Variants in SLC25A11 observed in about 807,000 individuals in gnomAD.
SLC25A11 encodes the protein solute carrier family 25 member 11.
A neutral mutation model predicts 32.7 loss-of-function variants in SLC25A11; 11 were observed. The ratio of observed to expected loss-of-function variants is 0.34; its 90% confidence interval spans 0.21 to 0.56. The LOEUF (loss-of-function observed/expected upper bound fraction) is 0.56, where lower values mean the gene tolerates loss of function less well. SLC25A11 is among the 20% of genes least tolerant of loss of function. The pLI is 0.90. For synonymous variants in SLC25A11, 163 were observed against 168.3 expected (o/e 0.97, Z 0.24); for missense variants, 295 against 426.3 (o/e 0.69, Z 2.71).
rs1970558686 is a variant in SLC25A11, at chr17:4,939,327, C to T, written c.96-115G>A. The stretch of plus-strand genomic sequence containing the variant: ...AGGGCCTGCCATGCGATTCAAGAAT[C>T]AGGATGCTGGTGAGCATGTGTATAA... On this transcript the variant is annotated intron_variant, in intron 1 of 7. Transcript: ENST00000225665. This position sits in a 1 kb window ranked among gnomAD's most constrained non-coding sequence, Gnocchi z 4.1. The T allele has an allele frequency of 8.4e-7, 1 of 1,188,726 alleles. No individual in the cohort carries two copies. The allele number at this position is 1,188,726 out of a possible 1,614,324, so 73.6% of individuals were successfully genotyped here.
chr17:4,939,862 G>A lies in SLC25A11; in HGVS notation c.49C>T (p.Arg17Cys). The change falls in exon 1 of 8, where the codon CGT (arginine) becomes TGT (cysteine). Residue 17 changes from arginine (R) to cysteine (C), a missense_variant. Physicochemically the swap from Arg to Cys is radical, Grantham distance 180. Transcript: ENST00000225665. This position sits in a 1 kb window ranked among gnomAD's most constrained non-coding sequence, Gnocchi z 4.1. Reference protein sequence around the residue: ...AGAGGIDGKPRTSPKSVKFLF... With the variant: ...AGAGGIDGKPCTSPKSVKFLF... The stretch of plus-strand genomic sequence containing the variant: ...AACTTGACGGACTTAGGGGAGGTAC[G>A]GGGCTTCCCGTCTATCCCGCCGGCC... 1 of 1,612,452 alleles carries A rather than the reference G, an allele frequency of 6.2e-7. No homozygotes were observed. Among genetic ancestry groups the A allele is most frequent in the Non-Finnish European group, 8.5e-7 (1 of 1,179,688 alleles).
In SLC25A11 at chr17:4,938,540, C is replaced by G; in HGVS notation, c.518G>C (p.Arg173Pro). The G allele has an allele frequency of 6.2e-7, 1 of 1,614,096 alleles. No homozygotes were observed. Among genetic ancestry groups the G allele is most frequent in the Non-Finnish European group, 8.5e-7 (1 of 1,179,976 alleles). ...NVFNALIRIT[R>P]EEGVLTLWRG... is the part of the protein sequence containing the mutation. ...CCACAGTGTGAGGACACCCTCTTCC[C>G]GGGTGATTCGAATCAGGGCGTTAAA... The change falls in exon 4 of 8, where the codon CGG becomes CCG. Residue 173 changes from arginine (R) to proline (P), a missense_variant. By Grantham distance (103) the Arg-to-Pro change is moderately radical (BLOSUM62 -2). Around this residue, in one of 3 missense-constraint regions of SLC25A11, gnomAD observed 142 missense variants for 197.8 expected, o/e 0.72. Transcript: ENST00000225665. The surrounding 1 kb of genome is among the most constrained non-coding windows in gnomAD (Gnocchi z 7.6).
At position 4,938,310 on chromosome 17, in the gene SLC25A11, G is replaced by A. The variant is rs1970481274; in HGVS notation, c.637+29C>T. The A allele has an allele frequency of 6.2e-7, 1 of 1,613,722 alleles. No individual in the cohort carries two copies. The highest frequency in any genetic ancestry group is 8.5e-7 in the Non-Finnish European group (1 of 1,179,798). On this transcript the variant is annotated intron_variant, in intron 5 of 7. Coordinates refer to ENST00000225665, the MANE Select transcript of SLC25A11 (RefSeq NM_003562.5). This position sits in a 1 kb window ranked among gnomAD's most constrained non-coding sequence, Gnocchi z 7.6. The stretch of plus-strand genomic sequence containing the variant: ...CTCAGAGGTGGCTCAGGCCAGGCTG[G>A]GAACTAAGGGCCCAGCTCTGGATCT...
Position 4,938,111 on chromosome 17 carries a change from G to A in SLC25A11, c.738-37C>T, listed in dbSNP as rs1386510736. On this transcript the variant is annotated intron_variant, in intron 6 of 7. Coordinates refer to ENST00000225665, the MANE Select transcript of SLC25A11 (RefSeq NM_003562.5). The surrounding 1 kb of genome is among the most constrained non-coding windows in gnomAD (Gnocchi z 7.6). ...GACGCAGGGGCATGAGAGACCGAAA[G>A]GGCACCCTCCCACCCACCTCCAGGC... The A allele has an allele frequency of 6.2e-7, 1 of 1,614,130 alleles. No homozygotes were observed. The highest frequency in any genetic ancestry group is 8.5e-7 in the Non-Finnish European group (1 of 1,180,002).
rs759860938 is a variant in SLC25A11 at position 4,939,785 on chromosome 17, C to T, written c.95+31G>A. 1 of 1,580,764 alleles carries T rather than the reference C, an allele frequency of 6.3e-7. No individual in the cohort carries two copies. The highest frequency in any genetic ancestry group is 1.7e-5 in the Admixed American group (1 of 59,412). On this transcript the variant is annotated intron_variant, in intron 1 of 7. Coordinates refer to ENST00000225665, the MANE Select transcript of SLC25A11 (RefSeq NM_003562.5). The surrounding 1 kb of genome is among the most constrained non-coding windows in gnomAD (Gnocchi z 4.1). ...GGTTCCTTTTGCCCTTCCCTTCCTC[C>T]TCTTTTCCCATCCCTGGGGCCTGAG...
chr17:4,938,775 T>C lies in SLC25A11; in HGVS notation c.449A>G (p.Asp150Gly). The change falls in exon 3 of 8, where the codon GAT (aspartate) becomes GGT (glycine). Residue 150 changes from aspartate (D) to glycine (G), a missense_variant. Coordinates refer to ENST00000225665, the MANE Select transcript of SLC25A11 (RefSeq NM_003562.5). This position sits in a 1 kb window ranked among gnomAD's most constrained non-coding sequence, Gnocchi z 7.6. ...AEVALIRMTADGRLPADQRRG... is the reference protein window; with the variant it reads ...AEVALIRMTAGGRLPADQRRG... ...GTTCAGACTTGGAACTCACCGGCCA[T>C]CGGCAGTCATGCGGATAAGAGCCAC... 6.2e-7 allele frequency: 1 copy of C among 1,609,272 alleles called. No individual in the cohort carries two copies.
At position 4,939,887 on chromosome 17, in the gene SLC25A11, C is replaced by G; in HGVS notation, c.24G>C (p.Gly8=). The G allele has an allele frequency of 6.2e-7, 1 of 1,611,286 alleles. No homozygotes were observed. The highest frequency in any genetic ancestry group is 1.3e-5 in the African/African-American group (1 of 74,796). ...GGGGCTTCCCGTCTATCCCGCCGGC[C>G]CCGGCACTCGCCGTCGCCGCCATCG... MAATASA[G]AGGIDGKPRT... Residue 8 remains glycine (G), a synonymous_variant, in exon 1 of 8, where the codon GGG becomes GGC. Transcript: ENST00000225665. This position sits in a 1 kb window ranked among gnomAD's most constrained non-coding sequence, Gnocchi z 4.1.
In SLC25A11 at chr17:4,938,358, C is replaced by G; in HGVS notation, c.618G>C (p.Lys206Asn). 1 of 1,614,102 alleles carries G rather than the reference C, an allele frequency of 6.2e-7. No homozygotes were observed. The highest frequency in any genetic ancestry group is 8.5e-7 in the Non-Finnish European group (1 of 1,180,018). The change falls in exon 5 of 8, where the codon AAG becomes AAC. Residue 206 changes from lysine (K) to asparagine (N), a missense_variant. Physicochemically the swap from Lys to Asn is moderately conservative, Grantham distance 94. Coordinates refer to ENST00000225665, the MANE Select transcript of SLC25A11 (RefSeq NM_003562.5). The surrounding 1 kb of genome is among the most constrained non-coding windows in gnomAD (Gnocchi z 7.6). ...AAQLASYSQS[K>N]QFLLDSGYFS... ...TCTCACCTGAGTCCAGTAAGAACTGCTTGGATTGGGAGTAGGAGGCGAGCT... is the reference window on the plus strand; with the variant it reads ...TCTCACCTGAGTCCAGTAAGAACTGGTTGGATTGGGAGTAGGAGGCGAGCT...
chr17:4,940,021 C>G lies in SLC25A11; in HGVS notation c.-111G>C. 4.4e-6 allele frequency: 3 copies of G among 684,656 alleles called. No individual in the cohort carries two copies. Among genetic ancestry groups the G allele is most frequent in the Non-Finnish European group, 6.7e-6 (3 of 449,830 alleles). The allele number at this position is 684,656 out of a possible 1,614,324, so 42.4% of individuals were successfully genotyped here. ...AGGGCGCGCGCACGCCCCTCCAGCTCTCAGGTCCGACACCCGCTGGAAGCC... is the reference window on the plus strand; with the variant it reads ...AGGGCGCGCGCACGCCCCTCCAGCTGTCAGGTCCGACACCCGCTGGAAGCC... On this transcript the variant is annotated 5_prime_UTR_variant, in exon 1 of 8. Coordinates refer to ENST00000225665, the MANE Select transcript of SLC25A11 (RefSeq NM_003562.5).
rs1162250991 is a variant in SLC25A11, at chr17:4,939,157, A to G, written c.151T>C (p.Leu51=). 1.2e-6 allele frequency: 2 copies of G among 1,613,646 alleles called. No individual in the cohort carries two copies. Among genetic ancestry groups the G allele is most frequent in the South Asian group, 2.2e-5 (2 of 91,076 alleles). ...CGAGTCTTGGCCCCTTCCCCGCTCAACTGCATCCGGTTCTTCACCAGGTCC... is the reference window on the plus strand; with the variant it reads ...CGAGTCTTGGCCCCTTCCCCGCTCAGCTGCATCCGGTTCTTCACCAGGTCC... ...PLDLVKNRMQ[L]SGEGAKTREY... Residue 51 remains leucine, a synonymous_variant, in exon 2 of 8, where the codon TTG becomes CTG. Coordinates refer to ENST00000225665, the MANE Select transcript of SLC25A11 (RefSeq NM_003562.5). This position sits in a 1 kb window ranked among gnomAD's most constrained non-coding sequence, Gnocchi z 4.1.
chr17:4,939,972 TGACACCGCGCGCGCAACAGAGCGAGG>T lies in SLC25A11; in HGVS notation c.-88_-63del. ...CGCGCGGCCCCGCTCGCGCCCAAGG[TGACACCGCGCGCGCAACAGAGCGAGG>T]GCGCGCGCACGCCCCTCCAGCTCTC... On this transcript the variant is annotated 5_prime_UTR_variant, in exon 1 of 8. Coordinates refer to ENST00000225665, the MANE Select transcript of SLC25A11 (RefSeq NM_003562.5). The surrounding 1 kb of genome is among the most constrained non-coding windows in gnomAD (Gnocchi z 4.1). 1 of 1,282,042 alleles carries T rather than the reference TGACACCGCGCGCGCAACAGAGCGAGG, an allele frequency of 7.8e-7. No individual in the cohort carries two copies. Among genetic ancestry groups the T allele is most frequent in the Non-Finnish European group, 1.1e-6 (1 of 949,738 alleles). The allele number at this position is 1,282,042 out of a possible 1,614,324, so 79.4% of individuals were successfully genotyped here.
Position 4,939,994 on chromosome 17 carries a change from C to A in SLC25A11, c.-84G>T. 1.1e-6 allele frequency: 1 copy of A among 932,612 alleles called. No individual in the cohort carries two copies. Among genetic ancestry groups the A allele is most frequent in the Non-Finnish European group, 1.5e-6 (1 of 661,430 alleles). The allele number at this position is 932,612 out of a possible 1,614,324, so 57.8% of individuals were successfully genotyped here. Reference sequence around the variant, plus strand: ...AGGTGACACCGCGCGCGCAACAGAGCGAGGGCGCGCGCACGCCCCTCCAGC... The same window carrying A: ...AGGTGACACCGCGCGCGCAACAGAGAGAGGGCGCGCGCACGCCCCTCCAGC... On this transcript the variant is annotated 5_prime_UTR_variant, in exon 1 of 8. Coordinates refer to ENST00000225665, the MANE Select transcript of SLC25A11 (RefSeq NM_003562.5). The surrounding 1 kb of genome is among the most constrained non-coding windows in gnomAD (Gnocchi z 4.1).
rs752436927 is a variant in SLC25A11 at position 4,937,763 on chromosome 17, T to C, written c.923A>G (p.Lys308Arg). ...GCTTCAGCCACTGAGGAAGAGACGCTTGTAGGCCTTGTTCATCTGCTCCAA... is the reference window on the plus strand; with the variant it reads ...GCTTCAGCCACTGAGGAAGAGACGCCTGTAGGCCTTGTTCATCTGCTCCAA... ...IFLEQMNKAY[K>R]RLFLSG Residue 308 changes from lysine (K) to arginine (R), a missense_variant, in exon 8 of 8, where the codon AAG (lysine) becomes AGG (arginine). This residue lies in a region of SLC25A11 where 142 missense variants were observed against 197.8 expected (regional missense o/e 0.72). Transcript: ENST00000225665. 4 of 1,612,540 alleles carry C rather than the reference T, an allele frequency of 2.5e-6. No individual in the cohort carries two copies. The highest frequency in any genetic ancestry group is 2.5e-6 in the Non-Finnish European group (3 of 1,179,376).
rs1970574726 is a variant in SLC25A11, at chr17:4,939,475, T to C, written c.96-263A>G. 1 of 578,136 alleles carries C rather than the reference T, an allele frequency of 1.7e-6. No homozygotes were observed. Among genetic ancestry groups the C allele is most frequent in the African/African-American group, 1.9e-5 (1 of 53,428 alleles). The allele number at this position is 578,136 out of a possible 1,614,324, so 35.8% of individuals were successfully genotyped here. On this transcript the variant is annotated intron_variant, in intron 1 of 7. Transcript: ENST00000225665. This position sits in a 1 kb window ranked among gnomAD's most constrained non-coding sequence, Gnocchi z 4.1. ...AGCAGTGACCTGGGGCTGCACGCAG[T>C]CCGACACAGGGAGGGGAGGAAGGGG...
chr17:4,939,407 G>T lies in SLC25A11; in HGVS notation c.96-195C>A. 1.6e-6 allele frequency: 1 copy of T among 637,092 alleles called. No homozygotes were observed. The allele number at this position is 637,092 out of a possible 1,614,324, so 39.5% of individuals were successfully genotyped here. On this transcript the variant is annotated intron_variant, in intron 1 of 7. Transcript: ENST00000225665. The surrounding 1 kb of genome is among the most constrained non-coding windows in gnomAD (Gnocchi z 4.1). ...TCTGAAAAGTCTAGTTGTCCAGTAG[G>T]GGCCATGCAATGAAAGTGCTCCAAG...
At position 4,937,729 on chromosome 17, in the gene SLC25A11, C is replaced by A. The variant is rs199802522; in HGVS notation, c.*12G>T. ...TATAGGCGCAGCAGGCGAGTGGGAG[C>A]CCCCGGCCGCTTCAGCCACTGAGGA... On this transcript the variant is annotated 3_prime_UTR_variant, in exon 8 of 8. Coordinates refer to ENST00000225665, the MANE Select transcript of SLC25A11 (RefSeq NM_003562.5). 93 of 1,594,952 alleles carry A rather than the reference C, an allele frequency of 5.8e-5. 1 individual carries two copies. In the South Asian group the frequency reaches 7.7e-4, roughly 13 times the overall value.
At position 4,939,476 on chromosome 17, in the gene SLC25A11, C is replaced by T. The variant is rs1450171073; in HGVS notation, c.96-264G>A. ...GCAGTGACCTGGGGCTGCACGCAGT[C>T]CGACACAGGGAGGGGAGGAAGGGGC... On this transcript the variant is annotated intron_variant, in intron 1 of 7. Coordinates refer to ENST00000225665, the MANE Select transcript of SLC25A11 (RefSeq NM_003562.5). This position sits in a 1 kb window ranked among gnomAD's most constrained non-coding sequence, Gnocchi z 4.1. 6 of 578,268 alleles carry T rather than the reference C, an allele frequency of 1.0e-5. No homozygotes were observed. The highest frequency in any genetic ancestry group is 2.9e-5 in the East Asian group (1 of 34,708). The allele number at this position is 578,268 out of a possible 1,614,324, so 35.8% of individuals were successfully genotyped here.
rs1293960146 is a variant in SLC25A11, at chr17:4,939,896, C to T, written c.15G>A (p.Ala5=). The change falls in exon 1 of 8, where the codon GCG becomes GCA. Residue 5 remains alanine, a synonymous_variant. Transcript: ENST00000225665. This position sits in a 1 kb window ranked among gnomAD's most constrained non-coding sequence, Gnocchi z 4.1. MAAT[A]SAGAGGIDGK... is the part of the protein sequence containing the mutation. The stretch of plus-strand genomic sequence containing the variant: ...CGTCTATCCCGCCGGCCCCGGCACT[C>T]GCCGTCGCCGCCATCGCCACTCAAT... The T allele has an allele frequency of 5.0e-6, 8 of 1,610,270 alleles. No individual in the cohort carries two copies. Among genetic ancestry groups the T allele is most frequent in the Non-Finnish European group, 6.8e-6 (8 of 1,179,052 alleles).
At position 4,938,711 on chromosome 17, in the gene SLC25A11, C is replaced by G. The variant is rs181186410; in HGVS notation, c.455+58G>C. 174 of 1,592,254 alleles carry G rather than the reference C, an allele frequency of 1.1e-4. No homozygotes were observed. The Admixed American group carries it at 2.8e-3, about 26-fold the overall frequency. The stretch of plus-strand genomic sequence containing the variant: ...TCCAGATCCGGGATAAAAAACTGGT[C>G]CTTTCATTCTAGATTCGAGGGAATG... On this transcript the variant is annotated intron_variant, in intron 3 of 7. Coordinates refer to ENST00000225665, the MANE Select transcript of SLC25A11 (RefSeq NM_003562.5). This position sits in a 1 kb window ranked among gnomAD's most constrained non-coding sequence, Gnocchi z 7.6.
Sources: gnomAD v4.1 joint callset for allele counts on GRCh38, gnomAD v4.1.1 for gene constraint, gnomAD v4.1.1 regional missense constraint, Gnocchi (gnomAD v3.1) non-coding constraint, MANE v1.5 for transcripts, NCBI Gene and HGNC (gene_info 2026-07-23, HGNC 2026-07-21) for gene names.